JOSD1: variants seen among roughly 807,000 people sequenced by gnomAD.
The protein encoded by JOSD1 is josephin-1.
Under a neutral mutation model 24.3 loss-of-function variants are expected in JOSD1, and 11 were observed. The ratio of observed to expected loss-of-function variants is 0.45; its 90% CI spans 0.29 to 0.75. The LOEUF is 0.75. Ranked by LOEUF, JOSD1 falls within the 30% of genes least tolerant of loss-of-function variation. The pLI is 0.11. For synonymous variants in JOSD1, 106 were observed against 93.8 expected (o/e 1.13, Z -0.75); for missense variants, 184 against 253.5 (o/e 0.73, Z 1.86).
chr22:38,693,372 TA>T (rs2050813099), intron 2 of JOSD1, among the ~76,000 whole-genome samples: 1 of 152,202 alleles, frequency 6.6e-6, no homozygotes, highest in South Asian at 2.1e-4. Flanking sequence ...AACAGATTCC[TA>T]AAAATTGATC....
At chr22:38,692,494 C>T (rs1245656617) in intron 2 of JOSD1, among the ~76,000 whole-genome samples, 1 of 152,018 alleles carries the variant, frequency 6.6e-6, no homozygotes, top group East Asian at 1.9e-4. Flanking sequence ...AATGAGAACA[C>T]ACTGCCAGGT....
In JOSD1 at chr22:38,699,933, G is replaced by A. The variant is rs752889221; in HGVS notation, c.55C>T (p.Pro19Ser). 16 of 1,613,820 alleles carry A rather than the reference G, an allele frequency of 9.9e-6. No homozygotes were observed. The South Asian group carries it at 1.5e-4, about 16-fold the overall frequency. The change falls in exon 2 of 5, where the codon CCC becomes TCC. Residue 19 changes from proline (P) to serine (S), a missense_variant. Pro to Ser is a moderately conservative substitution (Grantham distance 74). Coordinates refer to ENST00000683374, the MANE Select transcript of JOSD1 (RefSeq NM_001360236.2). ...DKAKSESLEL[P>S]QAAPPQIYHE... The stretch of plus-strand genomic sequence containing the variant: ...TAGATTTGTGGGGGTGCTGCCTGGG[G>A]CAGCTCCAATGATTCAGATTTGGCC...
rs111837240 is a variant in JOSD1 at position 38,688,884 on chromosome 22, A to G, written c.509+51T>C. The G allele has an allele frequency of 2.1e-4, 324 of 1,523,944 alleles. 1 individual carries two copies. The African/African-American group carries it at 2.3e-3, about 11-fold the overall frequency. The allele number at this position is 1,523,944 out of a possible 1,614,324, so 94.4% of individuals were successfully genotyped here. On this transcript the variant is annotated intron_variant, in intron 4 of 4. Coordinates refer to ENST00000683374, the MANE Select transcript of JOSD1 (RefSeq NM_001360236.2). ...ACCAGAGATGAGCTCAGTGTCCCCA[A>G]CCTAAGAAATGAAGCAGCCTAGCAA...
chr22:38,699,008 C>T (rs377136058), intron 2 of JOSD1, among the ~76,000 whole-genome samples: 1 of 152,178 alleles, frequency 6.6e-6, no homozygotes, highest in Non-Finnish European at 1.5e-5. Flanking sequence ...CTGCCCTCCT[C>T]GGCCTCCCAA....
At chr22:38,701,022 G>A, upstream of JOSD1, 1 of 969,302 alleles carries the variant, frequency 1.0e-6, no homozygotes, top group Non-Finnish European at 1.2e-6. Flanking sequence ...GCCCTCCCGC[G>A]CCGTCCTCAC....
intron 2 of JOSD1, among the ~76,000 whole-genome samples, chr22:38,695,204 C>G (rs753057948): frequency 3.3e-5 from 5 of 152,116 alleles, no homozygotes; most frequent in African/African-American, 4.8e-5. Context: ...TTGCCTAGCC[C>G]TTGGACAAGA....
At position 38,700,185 on chromosome 22, in the gene JOSD1, T is replaced by C. The variant is rs759995007; in HGVS notation, c.-198A>G. ...AAACCCACCTCTTCTCTCTTCTCAA[T>C]AGAAAAATAACTTTTGGATTACTTT... On this transcript the variant is annotated 5_prime_UTR_variant, in exon 2 of 5. Transcript: ENST00000683374. The C allele has an allele frequency of 2.7e-5, 34 of 1,269,656 alleles. No individual in the cohort carries two copies. In the African/African-American group the frequency reaches 3.1e-4, roughly 12 times the overall value. 78.6% of individuals were successfully genotyped at this position (1,269,656 alleles called of 1,614,324 possible). A position where few individuals can be genotyped will look rare whatever the true frequency, so the allele number is the denominator to read the frequency against.
intron 2 of JOSD1, among the ~76,000 whole-genome samples, chr22:38,692,633 T>C (rs1308568693): frequency 1.3e-5 from 2 of 151,334 alleles, no homozygotes; most frequent in Non-Finnish European, 2.9e-5. Context: ...ACAAAAAAAT[T>C]AGCCAGGTGT....
chr22:38,686,608 A>G lies in JOSD1; in HGVS notation c.*1294T>C, dbSNP rs2092499104. 2 of 152,264 alleles carry G rather than the reference A, an allele frequency of 1.3e-5. No individual in the cohort carries two copies. 9.4% of individuals were successfully genotyped at this position (152,264 alleles called of 1,614,324 possible). ...GAACTTCCATTGATACAGAGAGGAA[A>G]CGACATGAAGATGACCAGCCCAGGT... On this transcript the variant is annotated 3_prime_UTR_variant, in exon 5 of 5. Transcript: ENST00000683374.
Position 38,700,073 on chromosome 22 carries a change from G to T in JOSD1, c.-86C>A. 12 of 1,498,864 alleles carry T rather than the reference G, an allele frequency of 8.0e-6. No homozygotes were observed. Among genetic ancestry groups the T allele is most frequent in the Non-Finnish European group, 9.8e-6 (11 of 1,126,904 alleles). 92.8% of individuals were successfully genotyped at this position (1,498,864 alleles called of 1,614,324 possible). A position where few individuals can be genotyped will look rare whatever the true frequency, so the allele number is the denominator to read the frequency against. On this transcript the variant is annotated 5_prime_UTR_variant, in exon 2 of 5. Transcript: ENST00000683374. ...AATGTAAGCTTCTCAGTCTTTTCCG[G>T]ATTCCTGAGGTCCACCTTATTCTCT...
Position 38,694,750 on chromosome 22 carries a change from T to C in JOSD1, c.185+5053A>G, listed in dbSNP as rs191785878. On this transcript the variant is annotated intron_variant, in intron 2 of 4. Transcript: ENST00000683374. ...GGTGGTGGGCGCCTGTAGTTCCAGC[T>C]ACTTGGGAGGCTGAGGCAGGAGAAT... Among the ~76,000 whole-genome samples, 15 of 150,632 alleles carry C rather than the reference T, an allele frequency of 1.0e-4. No homozygotes were observed. In the East Asian group the frequency reaches 2.9e-3, roughly 30 times the overall value.
At chr22:38,695,114 G>C (rs768728946) in intron 2 of JOSD1, among the ~76,000 whole-genome samples, 1 of 152,152 alleles carries the variant, frequency 6.6e-6, no homozygotes, top group African/African-American at 2.4e-5. Context: ...AGAACTTCCT[G>C]ATGTTTCTAA....
At chr22:38,696,017 C>G (rs886652572) in intron 2 of JOSD1, among the ~76,000 whole-genome samples, 1 of 152,072 alleles carries the variant, frequency 6.6e-6, no homozygotes, top group Admixed American at 6.5e-5. Context: ...GATCACGCCA[C>G]TGCAATCCAG....
chr22:38,698,805 A>G (rs928565741), intron 2 of JOSD1, among the ~76,000 whole-genome samples: 8 of 152,194 alleles, frequency 5.3e-5, no homozygotes, highest in African/African-American at 1.9e-4. Context: ...CCCAGGCTGG[A>G]GTGCAGAGTG....
intron 2 of JOSD1, among the ~76,000 whole-genome samples, chr22:38,697,017 T>G (rs1246034349): frequency 6.6e-6 from 1 of 152,262 alleles, no homozygotes; most frequent in African/African-American, 2.4e-5. Flanking sequence ...TTTCACTTTT[T>G]AATTGCTCTG....
At chr22:38,701,116 G>T (rs1341195426), upstream of JOSD1, 8 of 389,406 alleles carry the variant, frequency 2.1e-5, no homozygotes, top group Non-Finnish European at 2.8e-5. Flanking sequence ...GGCGTGTAGG[G>T]GCGCAGTTCA....
intron 2 of JOSD1, among the ~76,000 whole-genome samples, chr22:38,698,672 T>C (rs2092554998): frequency 6.6e-6 from 1 of 152,224 alleles, no homozygotes; most frequent in African/African-American, 2.4e-5. Flanking sequence ...ACTGCAGCCA[T>C]GCTGTTGTGT....
At chr22:38,699,076 G>A (rs1229338160) in intron 2 of JOSD1, among the ~76,000 whole-genome samples, 2 of 152,186 alleles carry the variant, frequency 1.3e-5, no homozygotes, top group Non-Finnish European at 2.9e-5. Flanking sequence ...CCTGTGGGGT[G>A]GCATTTGTTC....
At chr22:38,694,093 A>G (rs1023983477) in intron 2 of JOSD1, among the ~76,000 whole-genome samples, 1 of 152,244 alleles carries the variant, frequency 6.6e-6, no homozygotes, top group African/African-American at 2.4e-5. Flanking sequence ...GGAAATATTG[A>G]GTAGCTTCCA....
Sources: gnomAD v4.1 joint callset for allele counts (sites outside exome capture counted in the v4.1 genomes callset) on GRCh38, gnomAD v4.1.1 for gene constraint, MANE v1.5 for transcripts, NCBI Gene and HGNC (gene_info 2026-07-23, HGNC 2026-07-21) for gene names.